Variants in ETS1 observed in about 807,000 individuals in gnomAD.
The protein encoded by ETS1 is ETS proto-oncogene 1, transcription factor.
ETS1 carries 15 observed loss-of-function variants against 58.6 expected under a neutral mutation model. That is an observed-to-expected ratio of 0.26 (90% confidence interval 0.17 to 0.39). ETS1 has a LOEUF of 0.39. ETS1 is among the 10% of genes least tolerant of loss of function. The probability of loss-of-function intolerance (pLI) is 1.00; values close to 1 mark genes in which losing one functional copy is unlikely to be tolerated. For missense variants in ETS1, 417 were observed against 610.5 expected, an observed-to-expected ratio of 0.68 and a Z score of 3.34; for synonymous variants, 214 against 218.2, an observed-to-expected ratio of 0.98 and a Z score of 0.17.
chr11:128,559,725 A>G (rs572831394), intron 2 of ETS1, among the ~76,000 whole-genome samples: 2 of 152,364 alleles, frequency 1.3e-5, no homozygotes, highest in South Asian at 4.1e-4. Context: ...TAACTATTTC[A>G]TAGAGTATGA....
chr11:128,559,712 T>A (rs756533671), intron 2 of ETS1, among the ~76,000 whole-genome samples: 4 of 152,206 alleles, frequency 2.6e-5, no homozygotes, highest in Non-Finnish European at 5.9e-5. Flanking sequence ...TGAACTGACT[T>A]AATAACTATT....
chr11:128,583,404 T>C (rs1864914591), intron 1 of ETS1, among the ~76,000 whole-genome samples: 4 of 152,212 alleles, frequency 2.6e-5, no homozygotes, highest in Admixed American at 6.5e-5. Flanking sequence ...GAAGACATGG[T>C]TCTAGTTATT....
chr11:128,463,700 C>T lies in ETS1; in HGVS notation c.1124-73G>A, dbSNP rs531296004. ...CTACGCAGCTAATCCCCACACACGGCACTCCCACATCCCTCTTCTCTCAGC... is the reference window on the plus strand; with the variant it reads ...CTACGCAGCTAATCCCCACACACGGTACTCCCACATCCCTCTTCTCTCAGC... On this transcript the variant is annotated intron_variant, in intron 8 of 9. Coordinates refer to ENST00000392668, the MANE Select transcript of ETS1 (RefSeq NM_001143820.2). The surrounding 1 kb of genome is among the most constrained non-coding windows in gnomAD (Gnocchi z 4.1). 3.9e-5 allele frequency: 32 copies of T among 816,926 alleles called. No homozygotes were observed. Among genetic ancestry groups the T allele is most frequent in the Non-Finnish European group, 5.4e-5 (25 of 465,390 alleles). The allele number at this position is 816,926 out of a possible 1,614,324, so 50.6% of individuals were successfully genotyped here.
At chr11:128,522,451 C>T in intron 3 of ETS1, 1 of 616,200 alleles carries the variant, frequency 1.6e-6, no homozygotes, top group African/African-American at 2.0e-5. Context: ...GGCGGGGCGT[C>T]GGGGCAGGGC....
intron 2 of ETS1, among the ~76,000 whole-genome samples, chr11:128,561,542 A>G (rs188185448): frequency 6.6e-6 from 1 of 152,342 alleles, no homozygotes; most frequent in South Asian, 2.1e-4. Flanking sequence ...CACTCACCTC[A>G]CTGTAGTCCA....
intron 3 of ETS1, among the ~76,000 whole-genome samples, chr11:128,504,596 A>G (rs1863181123): frequency 6.6e-6 from 1 of 152,198 alleles, no homozygotes; most frequent in Admixed American, 6.5e-5. Flanking sequence ...TCTAGTTCAA[A>G]CCTTTTCTTT....
chr11:128,486,014 G>T, intron 6 of ETS1, 55 bp downstream of exon 6: 1 of 1,016,498 alleles, frequency 9.8e-7, no homozygotes, highest in South Asian at 1.3e-5. Context: ...CTGAGATAGG[G>T]GTCTTTTCCT....
chr11:128,501,230 T>C (rs1863081553), intron 3 of ETS1, among the ~76,000 whole-genome samples: 1 of 152,146 alleles, frequency 6.6e-6, no homozygotes, highest in African/African-American at 2.4e-5. Context: ...CTGAAGAGCA[T>C]CACAAGCATT....
At chr11:128,522,066 A>C in intron 3 of ETS1, 2 of 1,453,542 alleles carry the variant, frequency 1.4e-6, no homozygotes, top group Non-Finnish European at 1.8e-6. Context: ...TTTAATGAGG[A>C]TTAGTAACAG....
At chr11:128,540,719 T>C (rs1864044492) in intron 3 of ETS1, among the ~76,000 whole-genome samples, 1 of 152,110 alleles carries the variant, frequency 6.6e-6, no homozygotes, top group Admixed American at 6.6e-5. Flanking sequence ...AAAAATATTA[T>C]CTCCTGGCTT....
intron 1 of ETS1, among the ~76,000 whole-genome samples, chr11:128,578,511 A>T (rs1475503494): frequency 6.6e-6 from 1 of 152,200 alleles, no homozygotes; most frequent in Non-Finnish European, 1.5e-5. Context: ...TGAAATCAGC[A>T]GTTTTTGCCA....
intron 3 of ETS1, among the ~76,000 whole-genome samples, chr11:128,496,008 C>T (rs888462351): frequency 2.0e-5 from 3 of 152,062 alleles, no homozygotes; most frequent in South Asian, 2.1e-4. Flanking sequence ...CATACACACA[C>T]GCAGAAGAAT....
chr11:128,565,151 G>A (rs928813766), intron 2 of ETS1, among the ~76,000 whole-genome samples: 7 of 152,080 alleles, frequency 4.6e-5, no homozygotes, highest in South Asian at 4.1e-4. Context: ...ATTAACAGGC[G>A]GAGGCATTAT....
intron 3 of ETS1, among the ~76,000 whole-genome samples, chr11:128,529,632 A>T (rs1863863128): frequency 6.6e-6 from 1 of 152,224 alleles, no homozygotes; most frequent in Non-Finnish European, 1.5e-5. Context: ...ATGAACACAC[A>T]TTATTTTACA....
At chr11:128,555,144 C>T (rs963080380) in intron 3 of ETS1, among the ~76,000 whole-genome samples, 4 of 152,196 alleles carry the variant, frequency 2.6e-5, no homozygotes, top group Non-Finnish European at 4.4e-5. Flanking sequence ...TTTCATTCTG[C>T]CCTGGAGAGA....
chr11:128,484,579 A>G (rs555919659), intron 7 of ETS1, among the ~76,000 whole-genome samples: 8 of 152,198 alleles, frequency 5.3e-5, no homozygotes, highest in Non-Finnish European at 7.3e-5. Flanking sequence ...TAAGATATTT[A>G]ATTTCTTAGA....
chr11:128,474,780 T>G (rs1400972443), intron 8 of ETS1, among the ~76,000 whole-genome samples: 1 of 152,204 alleles, frequency 6.6e-6, no homozygotes, highest in East Asian at 1.9e-4. Context: ...GCCAGCTTCC[T>G]GCAACTAGTT....
intron 8 of ETS1, among the ~76,000 whole-genome samples, chr11:128,468,744 A>G (rs930056580): frequency 6.6e-6 from 1 of 151,972 alleles, no homozygotes; most frequent in Non-Finnish European, 1.5e-5. Context: ...GTCTCTGTCC[A>G]TTTCTCCCAT....
chr11:128,580,991 T>C (rs1246730545), intron 1 of ETS1, among the ~76,000 whole-genome samples: 2 of 152,218 alleles, frequency 1.3e-5, no homozygotes, highest in Non-Finnish European at 2.9e-5. Flanking sequence ...AAAGAGTATA[T>C]TGTTTTACCC....
Sources: allele counts gnomAD v4.1 joint callset (sites outside exome capture counted in the v4.1 genomes callset), GRCh38; gene constraint gnomAD v4.1.1; non-coding constraint Gnocchi (gnomAD v3.1); transcripts MANE v1.5; gene names NCBI Gene and HGNC (gene_info 2026-07-23, HGNC 2026-07-21).